YPEL2: variants seen among roughly 807,000 people sequenced by gnomAD.
YPEL2 encodes the protein protein yippee-like 2.
YPEL2 carries 2 observed loss-of-function variants against 19.1 expected under a neutral mutation model. The observed-to-expected ratio is 0.10, with a 90% CI of 0.04 to 0.33. The LOEUF is 0.33. Among genes scored for constraint, YPEL2 ranks in the 10% least tolerant of loss-of-function variants. The pLI, the probability that YPEL2 is intolerant of heterozygous loss-of-function variation, is 1.00. For synonymous variants in YPEL2, 52 were observed against 50.0 expected (o/e 1.04, Z -0.17); for missense variants, 66 against 140.7 (o/e 0.47, Z 2.68).
intron 1 of YPEL2, among the ~76,000 whole-genome samples, chr17:59,340,573 G>A (rs1187783436): frequency 1.3e-5 from 2 of 151,406 alleles, no homozygotes; most frequent in Non-Finnish European, 2.9e-5. Flanking sequence ...CCGCCACCTC[G>A]CTCGGCTAAT....
chr17:59,394,527 G>C (rs1048088346), intron 4 of YPEL2, among the ~76,000 whole-genome samples: 5 of 150,676 alleles, frequency 3.3e-5, no homozygotes, highest in Admixed American at 6.6e-5. Context: ...CATCCCAGAC[G>C]ATGGGCGGCC....
chr17:59,377,775 G>A (rs773020052), intron 2 of YPEL2, among the ~76,000 whole-genome samples: 7 of 152,204 alleles, frequency 4.6e-5, no homozygotes, highest in East Asian at 3.8e-4. Context: ...GGTCTAAGCC[G>A]TAGGGGGATT....
At chr17:59,376,446 G>T (rs2047921260) in intron 2 of YPEL2, among the ~76,000 whole-genome samples, 1 of 152,190 alleles carries the variant, frequency 6.6e-6, no homozygotes, top group African/African-American at 2.4e-5. Flanking sequence ...TGGAACTCCT[G>T]ACCTCAGGTG....
At chr17:59,337,921 C>T (rs926785369) in intron 1 of YPEL2, among the ~76,000 whole-genome samples, 5 of 152,200 alleles carry the variant, frequency 3.3e-5, no homozygotes, top group Admixed American at 6.5e-5. Context: ...CCTACTGCTG[C>T]GCATTCTGGA....
At chr17:59,381,243 C>T (rs572808652) in intron 2 of YPEL2, among the ~76,000 whole-genome samples, 5 of 152,286 alleles carry the variant, frequency 3.3e-5, no homozygotes, top group Non-Finnish European at 5.9e-5. Context: ...CCTCTTACAC[C>T]GTGCAGATAT....
At chr17:59,391,335 G>A (rs2048006469) in intron 4 of YPEL2, among the ~76,000 whole-genome samples, 1 of 152,160 alleles carries the variant, frequency 6.6e-6, no homozygotes, top group Non-Finnish European at 1.5e-5. Flanking sequence ...CTGGAGGTGG[G>A]TAGCGGGTAT....
In YPEL2 at chr17:59,388,196, G is replaced by A. The variant is rs558899243; in HGVS notation, c.118-131G>A. ...CCCCACACCATCTGCCAGCGGGACC[G>A]TTAACTGGCTCAGTACTCCCTTTTG... On this transcript the variant is annotated intron_variant, in intron 2 of 4. Coordinates refer to ENST00000312655, the MANE Select transcript of YPEL2 (RefSeq NM_001005404.4). 1.6e-3 allele frequency: 1,377 copies of A among 875,238 alleles called. 26 individuals are homozygous for A. In the South Asian group the frequency reaches 0.018, roughly 11 times the overall value. The allele number at this position is 875,238 out of a possible 1,614,324, so 54.2% of individuals were successfully genotyped here.
In YPEL2 at chr17:59,398,866, A is replaced by C. The variant is rs577835466; in HGVS notation, c.*1676A>C. 3 of 152,238 alleles carry C rather than the reference A, an allele frequency of 2.0e-5. No homozygotes were observed. Among genetic ancestry groups the C allele is most frequent in the Non-Finnish European group, 2.9e-5 (2 of 68,054 alleles). The allele number at this position is 152,238 out of a possible 1,614,324, so 9.4% of individuals were successfully genotyped here. On this transcript the variant is annotated 3_prime_UTR_variant, in exon 5 of 5. Coordinates refer to ENST00000312655, the MANE Select transcript of YPEL2 (RefSeq NM_001005404.4). ...CTGAGATGAAAGCAGCCAACAGCCC[A>C]GGAGCTTTTCAGAATAGCGTCTGCA... is the stretch of plus-strand genomic sequence containing the variant.
intron 2 of YPEL2, among the ~76,000 whole-genome samples, chr17:59,383,573 CAAAAAAAAAAAAAAAAAAAAAAA>C (rs1159710758): frequency 1.1e-3 from 29 of 26,158 alleles, no homozygotes; most frequent in African/African-American, 3.7e-3. Flanking sequence ...GACTCTGTCT[CAAAAAAAAAAAAAAAAAAAAAAA>C]AAAAAAAAAA....
intron 1 of YPEL2, among the ~76,000 whole-genome samples, chr17:59,344,327 C>T (rs1380143759): frequency 2.0e-5 from 3 of 152,024 alleles, no homozygotes; most frequent in African/African-American, 4.8e-5. Flanking sequence ...CTGCCAAGAA[C>T]GATGGAAGGA....
At chr17:59,376,085 T>C (rs889865732) in intron 2 of YPEL2, among the ~76,000 whole-genome samples, 1 of 152,234 alleles carries the variant, frequency 6.6e-6, no homozygotes, top group African/African-American at 2.4e-5. Flanking sequence ...CTGTCAGTTT[T>C]AGTCTCATTC....
Position 59,394,115 on chromosome 17 carries a change from C to T in YPEL2, c.271-2986C>T, listed in dbSNP as rs965712058. 4.0e-4 allele frequency among the ~76,000 whole-genome samples: 61 copies of T among 151,230 alleles called. 1 individual carries two copies. Among genetic ancestry groups the T allele is most frequent in the Admixed American group, 3.6e-3 (55 of 15,248 alleles). On this transcript the variant is annotated intron_variant, in intron 4 of 4. Transcript: ENST00000312655. ...CCGGGCAGAGGAGCCCCTCACCTCC[C>T]GGACGCGGCAGCTGGCCAGGCGGGG...
intron 1 of YPEL2, among the ~76,000 whole-genome samples, chr17:59,337,191 T>TC (rs2047703273): frequency 6.8e-6 from 1 of 147,988 alleles, no homozygotes; most frequent in Admixed American, 6.7e-5. Flanking sequence ...TTCTTTTTTT[T>TC]TGTTTTTTTT....
At position 59,363,311 on chromosome 17, in the gene YPEL2, C is replaced by T. The variant is rs866264309; in HGVS notation, c.117+9785C>T. 1,323 of 135,124 alleles carry T rather than the reference C, an allele frequency of 9.8e-3. 27 individuals are homozygous for T. The highest frequency in any genetic ancestry group is 0.033 in the African/African-American group (1,166 of 35,510). 8.4% of individuals were successfully genotyped at this position (135,124 alleles called of 1,614,324 possible). On this transcript the variant is annotated intron_variant, in intron 2 of 4. Coordinates refer to ENST00000312655, the MANE Select transcript of YPEL2 (RefSeq NM_001005404.4). ...CTAAAGACTTACCCTTTTTTTTTTT[C>T]TTTTTTTTTTTTTTGAGATGGAGTC... is the stretch of plus-strand genomic sequence containing the variant.
At chr17:59,345,833 A>G (rs543549497) in intron 1 of YPEL2, among the ~76,000 whole-genome samples, 6 of 152,228 alleles carry the variant, frequency 3.9e-5, no homozygotes, top group African/African-American at 1.4e-4. Flanking sequence ...GAATACTCCA[A>G]TTGCGTTATC....
chr17:59,343,300 A>C (rs1189934756), intron 1 of YPEL2, among the ~76,000 whole-genome samples: 1 of 151,958 alleles, frequency 6.6e-6, no homozygotes, highest in African/African-American at 2.4e-5. Flanking sequence ...CATTTTACTC[A>C]GTTAACATTT....
In YPEL2 at chr17:59,353,596, G is replaced by T; in HGVS notation, c.117+70G>T. On this transcript the variant is annotated intron_variant, in intron 2 of 4. Coordinates refer to ENST00000312655, the MANE Select transcript of YPEL2 (RefSeq NM_001005404.4). This position sits in a 1 kb window ranked among gnomAD's most constrained non-coding sequence, Gnocchi z 4.8. ...GCTTAGTGCTCCTGAAGTTGCAGAG[G>T]TTTACAAGCTCTCAAGAATATTTGT... The T allele has an allele frequency of 1.8e-6, 2 of 1,138,118 alleles. No homozygotes were observed. Among genetic ancestry groups the T allele is most frequent in the Non-Finnish European group, 2.7e-6 (2 of 748,442 alleles). 70.5% of individuals were successfully genotyped at this position (1,138,118 alleles called of 1,614,324 possible). A position where few individuals can be genotyped will look rare whatever the true frequency, so the allele number is the denominator to read the frequency against.
At chr17:59,350,547 T>G (rs1256228759) in intron 1 of YPEL2, among the ~76,000 whole-genome samples, 3 of 152,218 alleles carry the variant, frequency 2.0e-5, no homozygotes, top group Non-Finnish European at 4.4e-5. Context: ...TTCTCTTGTC[T>G]TTTTAGGTTC....
chr17:59,340,614 A>C (rs981295160), intron 1 of YPEL2, among the ~76,000 whole-genome samples: 1 of 148,272 alleles, frequency 6.7e-6, no homozygotes, highest in Non-Finnish European at 1.5e-5. Context: ...ACGGGGTTTC[A>C]CCGTGTTAGC....
Sources: allele counts gnomAD v4.1 joint callset (sites outside exome capture counted in the v4.1 genomes callset), GRCh38; gene constraint gnomAD v4.1.1; non-coding constraint Gnocchi (gnomAD v3.1); transcripts MANE v1.5; gene names NCBI Gene and HGNC (gene_info 2026-07-23, HGNC 2026-07-21).